The following WDR27 variants were observed in gnomAD, a reference collection of about 807,000 sequenced individuals.
WDR27 encodes WD repeat domain 27.
In WDR27, 100 loss-of-function variants were observed where a neutral mutation model predicts 114.4. The ratio of observed to expected loss-of-function variants is 0.87; its 90% confidence interval spans 0.74 to 1.03. The LOEUF is 1.03. Ranked by LOEUF, WDR27 falls within the 50% of genes least tolerant of loss-of-function variation. WDR27 has a pLI of 0.00. For synonymous variants in WDR27, 449 were observed against 423.1 expected, an observed-to-expected ratio of 1.06 and a Z score of -0.75; for missense variants, 1,129 against 1,092.9, an observed-to-expected ratio of 1.03 and a Z score of -0.47.
chr6:169,572,225 A>T (rs1373959875), intron 25 of WDR27, among the ~76,000 whole-genome samples, 194 bp downstream of exon 25: 2 of 152,222 alleles, frequency 1.3e-5, no homozygotes, highest in African/African-American at 4.8e-5. Flanking sequence ...GATGAAGGAT[A>T]TAAACATGCA....
intron 22 of WDR27, 107 bp downstream of exon 22, chr6:169,613,452 T>C (rs1562697492): frequency 6.8e-6 from 6 of 887,298 alleles, no homozygotes; most frequent in Non-Finnish European, 1.1e-5. Context: ...GATTAGTCAG[T>C]GTGCACAGAT....
chr6:169,683,893 G>C (rs1190692419), intron 2 of WDR27, among the ~76,000 whole-genome samples: 1 of 152,150 alleles, frequency 6.6e-6, no homozygotes, highest in Admixed American at 6.5e-5. Flanking sequence ...TTAGGAGCAC[G>C]AAGTGTGCAC....
the WDR27 span, among the ~76,000 whole-genome samples, chr6:169,431,547 G>T: frequency 1.3e-5 from 2 of 152,228 alleles, no homozygotes; most frequent in South Asian, 4.2e-4. Context: ...TTCCCCTCCT[G>T]ATTATAAGCC....
rs117912086 is a variant in WDR27, at chr6:169,662,385, C to A, written c.944G>T (p.Gly315Val). The A allele has an allele frequency of 1.2e-6, 2 of 1,614,024 alleles. No homozygotes were observed. Among genetic ancestry groups the A allele is most frequent in the Non-Finnish European group, 1.7e-6 (2 of 1,179,878 alleles). The change falls in exon 9 of 26, where the codon GGA becomes GTA. Residue 315 changes from glycine (G) to valine (V), a missense_variant. Transcript: ENST00000448612. ...QLPSTSALGKGEQVEVTFPVL... is the reference protein window; with the variant it reads ...QLPSTSALGKVEQVEVTFPVL... ...AGGAAATGTTACTTCAACCTGCTCT[C>A]CTTTTCCCAGAGCACTTGTAGAGGG...
intron 15 of WDR27, among the ~76,000 whole-genome samples, 198 bp from the exon 16 acceptor site, chr6:169,648,068 C>T (rs1229465174): frequency 1.3e-5 from 2 of 152,188 alleles, no homozygotes; most frequent in African/African-American, 2.4e-5. Context: ...AATAGACTTA[C>T]ATTCCACATT....
chr6:169,454,789 C>G (rs114658193), downstream of WDR27, among the ~76,000 whole-genome samples: 2,494 of 152,302 alleles, frequency 0.016, 67 homozygotes, highest in African/African-American at 0.057. Context: ...CCTGTAATCA[C>G]GGAGACAGCA....
intron 24 of WDR27, among the ~76,000 whole-genome samples, chr6:169,574,347 CT>C (rs1464051862): frequency 1.3e-5 from 2 of 152,130 alleles, no homozygotes; most frequent in Non-Finnish European, 2.9e-5. Context: ...AAAAACATTA[CT>C]TTTTTTTAAG....
chr6:169,483,005 A>G lies in WDR27; in HGVS notation c.2646-25371T>C, dbSNP rs377452250. ...AAACTAATGAGAACAAAGATACAAC[A>G]TACCAGAATCTCTGGGACAAGCTAA... On this transcript the variant is annotated intron_variant, in intron 25 of 25. Coordinates refer to ENST00000448612, the MANE Select transcript of WDR27 (RefSeq NM_182552.5). Among the ~76,000 whole-genome samples the G allele has an allele frequency of 5.9e-5, 9 of 152,306 alleles. No homozygotes were observed. The East Asian group carries it at 1.4e-3, about 23-fold the overall frequency.
At chr6:169,635,408 TC>T (rs1450143490) in intron 19 of WDR27, among the ~76,000 whole-genome samples, 1 of 152,104 alleles carries the variant, frequency 6.6e-6, no homozygotes, top group East Asian at 1.9e-4. Context: ...GGACTGAAAG[TC>T]CCAGGCACCT....
Position 169,481,559 on chromosome 6 carries a change from A to T in WDR27, c.2646-23925T>A, listed in dbSNP as rs148733035. ...CTTTATGAGCTGTAGCACTCACCGC[A>T]AAAGTCTGCAGCTTCACTCCTGAGG... is the stretch of plus-strand genomic sequence containing the variant. On this transcript the variant is annotated intron_variant, in intron 25 of 25. Transcript: ENST00000448612. Among the ~76,000 whole-genome samples, 4 of 152,338 alleles carry T rather than the reference A, an allele frequency of 2.6e-5. No homozygotes were observed. The East Asian group carries it at 5.8e-4, about 22-fold the overall frequency.
chr6:169,673,914 T>C (rs1489791823), intron 2 of WDR27, among the ~76,000 whole-genome samples: 3 of 152,190 alleles, frequency 2.0e-5, no homozygotes, highest in Non-Finnish European at 2.9e-5. Context: ...CTAAACCCCC[T>C]AGGCTTAGAA....
chr6:169,549,847 C>T (rs769211543), intron 25 of WDR27, among the ~76,000 whole-genome samples: 7 of 152,084 alleles, frequency 4.6e-5, no homozygotes, highest in Non-Finnish European at 1.0e-4. Context: ...AGTAAAGAAA[C>T]CAGTGGTTGA....
rs566945386 is a variant in WDR27, at chr6:169,603,427, C to A, written c.2322-1106G>T. Among the ~76,000 whole-genome samples, 43 of 151,940 alleles carry A rather than the reference C, an allele frequency of 2.8e-4. 1 individual carries two copies. The South Asian group carries it at 8.7e-3, about 31-fold the overall frequency. ...CTTTACTATTAAAAAAAAAGAAACA[C>A]AAAGAGAAAAATCATCAAAGTACTC... On this transcript the variant is annotated intron_variant, in intron 22 of 25. Coordinates refer to ENST00000448612, the MANE Select transcript of WDR27 (RefSeq NM_182552.5).
chr6:169,597,910 A>ACACACACACG, intron 23 of WDR27, among the ~76,000 whole-genome samples: 1 of 151,706 alleles, frequency 6.6e-6, no homozygotes, highest in East Asian at 1.9e-4. Flanking sequence ...ACACACACAC[A>ACACACACACG]CACACACAGA....
the WDR27 span, among the ~76,000 whole-genome samples, chr6:169,443,622 C>A: frequency 1.3e-5 from 2 of 152,148 alleles, no homozygotes; most frequent in Admixed American, 1.3e-4. Flanking sequence ...AGCCAGCAAT[C>A]CTGCAAGGGA....
At chr6:169,667,228 T>A in intron 5 of WDR27, 41 bp from the exon 6 acceptor site, 3 of 1,449,654 alleles carry the variant, frequency 2.1e-6, no homozygotes, top group Middle Eastern at 1.8e-4. Context: ...GGTAACAACG[T>A]TGCCATTATT....
intron 25 of WDR27, among the ~76,000 whole-genome samples, chr6:169,508,282 C>T (rs750770309): frequency 1.3e-5 from 2 of 152,196 alleles, no homozygotes; most frequent in Non-Finnish European, 2.9e-5. Context: ...AATCAAGCTA[C>T]AAGCAAAGTA....
chr6:169,541,691 C>T (rs190182759), intron 25 of WDR27, among the ~76,000 whole-genome samples: 2 of 152,186 alleles, frequency 1.3e-5, no homozygotes, highest in African/African-American at 4.8e-5. Context: ...CCCGGTAACC[C>T]CTACAAGTTG....
At chr6:169,648,261 A>C (rs1464974676) in intron 15 of WDR27, among the ~76,000 whole-genome samples, 2 of 152,094 alleles carry the variant, frequency 1.3e-5, no homozygotes, top group Non-Finnish European at 2.9e-5. Context: ...TCATCTACAG[A>C]TGCCTTCCGT....
Sources: gnomAD v4.1 joint callset for allele counts (sites outside exome capture counted in the v4.1 genomes callset) on GRCh38, gnomAD v4.1.1 for gene constraint, MANE v1.5 for transcripts, NCBI Gene and HGNC (gene_info 2026-07-23, HGNC 2026-07-21) for gene names.